The following LEPROTL1 variants were observed in gnomAD, a reference collection of about 807,000 sequenced individuals.
LEPROTL1 encodes leptin receptor overlapping transcript-like 1.
A neutral mutation model predicts 15.4 loss-of-function variants in LEPROTL1; 6 were observed. The observed-to-expected ratio is 0.39, with a 90% confidence interval of 0.21 to 0.77. The LOEUF (loss-of-function observed/expected upper bound fraction) is 0.77. Among genes scored for constraint, LEPROTL1 ranks in the 30% least tolerant of loss-of-function variants. LEPROTL1 has a pLI of 0.41. For synonymous variants in LEPROTL1, 56 were observed against 52.6 expected, an observed-to-expected ratio of 1.06 and a Z score of -0.28; for missense variants, 128 against 158.1, an observed-to-expected ratio of 0.81 and a Z score of 1.02.
chr8:30,106,147 G>A lies in LEPROTL1; in HGVS notation c.*285G>A. 1 of 1,001,512 alleles carries A rather than the reference G, an allele frequency of 1.0e-6. No homozygotes were observed. Among genetic ancestry groups the A allele is most frequent in the African/African-American group, 1.7e-5 (1 of 57,920 alleles). The allele number at this position is 1,001,512 out of a possible 1,614,324, so 62.0% of individuals were successfully genotyped here. ...AAATATTTATGTGTTTTTCCTGTTA[G>A]GTTGATTTTTTTTGGAATCAATATG... On this transcript the variant is annotated 3_prime_UTR_variant, in exon 4 of 4. Coordinates refer to ENST00000321250, the MANE Select transcript of LEPROTL1 (RefSeq NM_015344.3).
rs532654223 is a variant in LEPROTL1 at position 30,134,236 on chromosome 8, G to A, written c.394+1747G>A. ...TCAAGAGATCGAGACCATCCTGGCCGATATGGTGAAACCTCATTTCTACTA... is the reference window on the plus strand; with the variant it reads ...TCAAGAGATCGAGACCATCCTGGCCAATATGGTGAAACCTCATTTCTACTA... On this transcript the variant is annotated intron_variant, in intron 4 of 4. Coordinates refer to the LEPROTL1 transcript ENST00000442880. Among the ~76,000 whole-genome samples the A allele has an allele frequency of 1.4e-4, 21 of 152,088 alleles. No homozygotes were observed. The South Asian group carries it at 3.7e-3, about 27-fold the overall frequency.
At chr8:30,137,850 C>CA (rs1400039245), downstream of LEPROTL1, 1 of 297,980 alleles carries the variant, frequency 3.4e-6, no homozygotes, top group African/African-American at 2.2e-5. Context: ...GTTTAGGAGT[C>CA]ATGCAGCTGG....
chr8:30,135,319 T>C (rs1000236346), intron 4 of LEPROTL1, among the ~76,000 whole-genome samples: 2 of 152,124 alleles, frequency 1.3e-5, no homozygotes, highest in African/African-American at 4.8e-5. Context: ...TTGTGGGAAA[T>C]GTTGATTATA....
chr8:30,095,853 A>G (rs1201927754), intron 1 of LEPROTL1: 1 of 701,862 alleles, frequency 1.4e-6, no homozygotes, highest in Admixed American at 2.0e-5. Context: ...TTGGACGGCC[A>G]CACACGTTTT....
At chr8:30,098,425 G>T (rs988205615) in intron 1 of LEPROTL1, among the ~76,000 whole-genome samples, 50 of 152,170 alleles carry the variant, frequency 3.3e-4, no homozygotes, top group African/African-American at 1.2e-3. Flanking sequence ...TTAAGGGTCT[G>T]TTTATAGAGA....
downstream of LEPROTL1, among the ~76,000 whole-genome samples, chr8:30,110,247 C>T (rs1339963557): frequency 1.3e-5 from 2 of 152,136 alleles, no homozygotes; most frequent in African/African-American, 2.4e-5. Context: ...TAAATTCTAG[C>T]AGAGGGTGGT....
At chr8:30,121,233 GTTTTGTTTTTGT>G (rs548243253) in intron 3 of LEPROTL1, among the ~76,000 whole-genome samples, 20 of 151,510 alleles carry the variant, frequency 1.3e-4, no homozygotes, top group South Asian at 4.2e-4. Context: ...TGTTTTTGGG[GTTTTGTTTTTGT>G]TTTTGTTTTT....
rs145931559 is a variant in LEPROTL1, at chr8:30,129,080, T to A, written c.280-3295T>A. 8.4e-3 allele frequency among the ~76,000 whole-genome samples: 1,280 copies of A among 152,252 alleles called. 6 individuals are homozygous for A. The highest frequency in any genetic ancestry group is 0.012 in the Non-Finnish European group (843 of 67,996). ...GTTTTGGGTTTGTGTGTGTGTTTTT[T>A]AATAGAGATGGCATCTCCCTATGTT... On this transcript the variant is annotated intron_variant, in intron 3 of 4. Transcript: ENST00000442880.
chr8:30,096,867 C>T (rs1428546612), intron 1 of LEPROTL1, among the ~76,000 whole-genome samples: 1 of 152,176 alleles, frequency 6.6e-6, no homozygotes, highest in Non-Finnish European at 1.5e-5. Context: ...TTCTCTTGGC[C>T]TAATATCTTT....
intron 3 of LEPROTL1, among the ~76,000 whole-genome samples, chr8:30,131,498 A>G (rs1193485733): frequency 6.6e-6 from 1 of 152,138 alleles, no homozygotes; most frequent in East Asian, 1.9e-4. Flanking sequence ...CTAATAATGG[A>G]TATAAGTCTG....
At chr8:30,128,236 G>C (rs1259717620) in intron 3 of LEPROTL1, among the ~76,000 whole-genome samples, 2 of 152,054 alleles carry the variant, frequency 1.3e-5, no homozygotes, top group Non-Finnish European at 2.9e-5. Context: ...TTCTACTACT[G>C]TCCAGAGAAA....
At chr8:30,132,600 G>A in intron 4 of LEPROTL1, 1 of 1,551,764 alleles carries the variant, frequency 6.4e-7, no homozygotes, top group Non-Finnish European at 8.7e-7. Context: ...CCACGTTTAG[G>A]CATTCTAGTC....
At chr8:30,115,016 CTTAT>C (rs1467999918) in intron 3 of LEPROTL1, among the ~76,000 whole-genome samples, 2 of 152,100 alleles carry the variant, frequency 1.3e-5, no homozygotes, top group Non-Finnish European at 2.9e-5. Flanking sequence ...CAACTTTTCC[CTTAT>C]TTCTCTCCTG....
At chr8:30,129,711 T>TCTCTCA (rs757804315) in intron 3 of LEPROTL1, among the ~76,000 whole-genome samples, 39 of 128,384 alleles carry the variant, frequency 3.0e-4, no homozygotes, top group African/African-American at 1.1e-3. Context: ...TGAGACCCTG[T>TCTCTCA]CACACACACA....
Position 30,105,896 on chromosome 8 carries a change from C to G in LEPROTL1, c.*34C>G. 6.8e-7 allele frequency: 1 copy of G among 1,461,276 alleles called. No homozygotes were observed. 90.5% of individuals were successfully genotyped at this position (1,461,276 alleles called of 1,614,324 possible). The stretch of plus-strand genomic sequence containing the variant: ...TACTGAACTATTGTCAAATGGACTT[C>G]CTGTCATTTGTTGGCCATTCACGCA... On this transcript the variant is annotated 3_prime_UTR_variant, in exon 4 of 4. Coordinates refer to ENST00000321250, the MANE Select transcript of LEPROTL1 (RefSeq NM_015344.3).
intron 3 of LEPROTL1, among the ~76,000 whole-genome samples, chr8:30,123,899 G>A (rs1000455939): frequency 2.0e-5 from 3 of 151,954 alleles, no homozygotes; most frequent in Non-Finnish European, 2.9e-5. Flanking sequence ...TAAAGGAGCA[G>A]CATCTCTATC....
chr8:30,132,989 G>C (rs16876564), intron 4 of LEPROTL1: 15,114 of 1,363,466 alleles, frequency 0.011, 247 homozygotes, highest in East Asian at 0.073. Context: ...ACATGATCTC[G>C]CAGGAAATAG....
At chr8:30,115,179 T>C (rs1285528199) in intron 3 of LEPROTL1, among the ~76,000 whole-genome samples, 1 of 151,892 alleles carries the variant, frequency 6.6e-6, no homozygotes, top group Admixed American at 6.6e-5. Flanking sequence ...GCCTGCGCAA[T>C]ATGATAAGCC....
At chr8:30,133,382 A>G (rs1370185386) in intron 4 of LEPROTL1, among the ~76,000 whole-genome samples, 1 of 152,200 alleles carries the variant, frequency 6.6e-6, no homozygotes, top group African/African-American at 2.4e-5. Context: ...AAATAAGCAT[A>G]TGTATATCTG....
Sources: allele counts gnomAD v4.1 joint callset (sites outside exome capture counted in the v4.1 genomes callset), GRCh38; gene constraint gnomAD v4.1.1; transcripts MANE v1.5; gene names NCBI Gene and HGNC (gene_info 2026-07-23, HGNC 2026-07-21).